AGL: variants seen among roughly 807,000 people sequenced by gnomAD.
AGL encodes the protein glycogen debranching enzyme.
Under a neutral mutation model 199.3 loss-of-function variants are expected in AGL, and 128 were observed. That is an observed-to-expected ratio of 0.64 (90% CI 0.56 to 0.74). AGL has a LOEUF of 0.74. Among genes scored for constraint, AGL ranks in the 30% least tolerant of loss-of-function variants. AGL has a pLI of 0.00. For missense variants in AGL, 1,809 were observed against 1,820.8 expected (o/e 0.99, Z 0.12); for synonymous variants, 584 against 594.7 (o/e 0.98, Z 0.26).
chr1:99,867,793 C>T (rs1418728589), intron 5 of AGL, among the ~76,000 whole-genome samples: 1 of 152,046 alleles, frequency 6.6e-6, no homozygotes, highest in Non-Finnish European at 1.5e-5. Context: ...CCTGCCTTGG[C>T]CTCCCAAAGC....
intron 28 of AGL, among the ~76,000 whole-genome samples, 157 bp from the exon 29 acceptor site, chr1:99,912,248 T>A (rs2100853721): frequency 6.6e-6 from 1 of 152,304 alleles, no homozygotes; most frequent in East Asian, 1.9e-4. Flanking sequence ...GAGGAAAAAA[T>A]CTTTACATGA....
In AGL at chr1:99,916,654, G is replaced by A; in HGVS notation, c.4404G>A (p.Leu1468=). 6.2e-7 allele frequency: 1 copy of A among 1,612,994 alleles called. No homozygotes were observed. Among genetic ancestry groups the A allele is most frequent in the Non-Finnish European group, 8.5e-7 (1 of 1,179,386 alleles). Residue 1468 remains leucine, a synonymous_variant, in exon 33 of 34, where the codon TTG becomes TTA. Coordinates refer to ENST00000361915, the MANE Select transcript of AGL (RefSeq NM_000642.3). The stretch of plus-strand genomic sequence containing the variant: ...GTGCAAAATTATATTTTTCCAGATT[G>A]ATGGGCCCGGAGACTACTGCAAAGA... The part of the protein sequence containing the change: ...FLRAKLYFSR[L]MGPETTAKTI...
At chr1:99,887,876 T>A in intron 20 of AGL, 102 bp from the exon 21 acceptor site, 1 of 1,345,088 alleles carries the variant, frequency 7.4e-7, no homozygotes, top group Non-Finnish European at 1.0e-6. Context: ...AAACATACAC[T>A]GCTAAGACAT....
chr1:99,876,824 A>C (rs530026991), intron 11 of AGL, among the ~76,000 whole-genome samples: 2 of 152,358 alleles, frequency 1.3e-5, no homozygotes, highest in South Asian at 2.1e-4. Flanking sequence ...TATCTTCTCA[A>C]ACAGAATAAC....
intron 27 of AGL, among the ~76,000 whole-genome samples, chr1:99,906,118 T>C (rs538876847): frequency 7.2e-5 from 11 of 152,294 alleles, no homozygotes; most frequent in Middle Eastern, 3.4e-3. Flanking sequence ...TCATTCCTAA[T>C]TGAAGCAGGA....
intron 21 of AGL, among the ~76,000 whole-genome samples, chr1:99,890,298 T>C (rs1309074978): frequency 6.6e-6 from 1 of 152,166 alleles, no homozygotes; most frequent in Non-Finnish European, 1.5e-5. Context: ...TATTCAACAG[T>C]GAGACCAACA....
At chr1:99,918,858 T>C (rs751768699) in intron 33 of AGL, among the ~76,000 whole-genome samples, 1 of 152,208 alleles carries the variant, frequency 6.6e-6, no homozygotes, top group African/African-American at 2.4e-5. Context: ...CTGTGTTCCC[T>C]ACCCTGTATT....
intron 27 of AGL, among the ~76,000 whole-genome samples, chr1:99,905,061 CAG>C (rs1654154249): frequency 6.6e-6 from 1 of 152,140 alleles, no homozygotes; most frequent in African/African-American, 2.4e-5. Context: ...AACTATTTTC[CAG>C]AGTGTTTTAC....
At chr1:99,887,857 G>C (rs1167134396) in intron 20 of AGL, 121 bp from the exon 21 acceptor site, 1 of 1,082,918 alleles carries the variant, frequency 9.2e-7, no homozygotes, top group East Asian at 2.6e-5. Context: ...TTTGAATGCT[G>C]AGTTCCTAAA....
In AGL at chr1:99,921,629, T is replaced by C; in HGVS notation, c.4577T>C (p.Leu1526Pro). ...CAAGCCTGGTCAATTGCTACTATTCTTGAGACACTTTATGATTTATAGTTT... is the reference window on the plus strand; with the variant it reads ...CAAGCCTGGTCAATTGCTACTATTCCTGAGACACTTTATGATTTATAGTTT... ...ETQAWSIATI[L>P]ETLYDL The change falls in exon 34 of 34, where the codon CTT becomes CCT. Residue 1526 changes from leucine (L) to proline (P), a missense_variant. Leu to Pro is a moderately conservative substitution (Grantham distance 98). Transcript: ENST00000361915. The C allele has an allele frequency of 6.2e-7, 1 of 1,608,846 alleles. No individual in the cohort carries two copies. Among genetic ancestry groups the C allele is most frequent in the Non-Finnish European group, 8.5e-7 (1 of 1,175,622 alleles).
At chr1:99,881,787 ATAT>A in intron 17 of AGL, 96 bp downstream of exon 17, 1 of 1,162,344 alleles carries the variant, frequency 8.6e-7, no homozygotes, top group Non-Finnish European at 1.2e-6. Flanking sequence ...TATATCATAT[ATAT>A]TATAACACAG....
intron 20 of AGL, among the ~76,000 whole-genome samples, chr1:99,887,310 CAA>C (rs1047935137): frequency 2.0e-5 from 3 of 152,116 alleles, no homozygotes; most frequent in Non-Finnish European, 2.9e-5. Context: ...GCTAACCAAA[CAA>C]AGGGAAATCA....
chr1:99,904,118 G>T (rs369046978), intron 27 of AGL, among the ~76,000 whole-genome samples: 50 of 152,132 alleles, frequency 3.3e-4, no homozygotes, highest in African/African-American at 1.1e-3. Context: ...TTGTAGAAAG[G>T]TTTATTTGTA....
chr1:99,876,722 G>A, intron 11 of AGL, 125 bp downstream of exon 11: 1 of 1,160,386 alleles, frequency 8.6e-7, no homozygotes, highest in Non-Finnish European at 1.3e-6. Context: ...CACCATAAAG[G>A]TACCAGAGAT....
chr1:99,880,946 T>TTTC, intron 14 of AGL, 130 bp from the exon 15 acceptor site: 1 of 1,271,048 alleles, frequency 7.9e-7, no homozygotes, highest in Non-Finnish European at 1.1e-6. Flanking sequence ...AATGTTTTAC[T>TTTC]TGTTTAAAAG....
At chr1:99,868,468 C>T (rs1407885086) in intron 5 of AGL, among the ~76,000 whole-genome samples, 2 of 151,846 alleles carry the variant, frequency 1.3e-5, no homozygotes, top group East Asian at 1.9e-4. Flanking sequence ...AAAAATTAGC[C>T]GGGCATGGTG....
At chr1:99,874,032 T>C (rs1571249959) in intron 7 of AGL, among the ~76,000 whole-genome samples, 1 of 152,292 alleles carries the variant, frequency 6.6e-6, no homozygotes, top group African/African-American at 2.4e-5. Flanking sequence ...AAACCATTTA[T>C]TTCCTTTTTA....
intron 20 of AGL, among the ~76,000 whole-genome samples, chr1:99,885,190 A>C (rs753689221): frequency 6.6e-5 from 10 of 152,068 alleles, no homozygotes; most frequent in Admixed American, 1.3e-4. Flanking sequence ...TTCCCTTTCT[A>C]GATGTTTCTG....
At chr1:99,880,340 C>T (rs552900700) in intron 13 of AGL, among the ~76,000 whole-genome samples, 1 of 152,138 alleles carries the variant, frequency 6.6e-6, no homozygotes, top group Non-Finnish European at 1.5e-5. Flanking sequence ...TCATCTTCTA[C>T]TGGGAGATAT....
Sources: allele counts gnomAD v4.1 joint callset (sites outside exome capture counted in the v4.1 genomes callset), GRCh38; gene constraint gnomAD v4.1.1; transcripts MANE v1.5; gene names NCBI Gene and HGNC (gene_info 2026-07-23, HGNC 2026-07-21).